CACNB4: variants seen among roughly 807,000 people sequenced by gnomAD.
CACNB4 encodes the protein voltage-dependent L-type calcium channel subunit beta-4.
CACNB4 carries 32 observed loss-of-function variants against 71.2 expected under a neutral mutation model. The observed-to-expected ratio is 0.45, with a 90% confidence interval of 0.34 to 0.60. The LOEUF (loss-of-function observed/expected upper bound fraction) is 0.60, where lower values mean the gene tolerates loss of function less well. CACNB4 is among the 20% of genes least tolerant of loss of function. The pLI, the probability that CACNB4 is intolerant of heterozygous loss-of-function variation, is 0.01. For missense variants in CACNB4, 464 were observed against 647.9 expected (o/e 0.72, Z 3.08); for synonymous variants, 231 against 236.9 (o/e 0.97, Z 0.23).
intron 12 of CACNB4, among the ~76,000 whole-genome samples, chr2:151,849,586 T>A (rs529472795): frequency 6.8e-4 from 104 of 152,268 alleles, no homozygotes; most frequent in African/African-American, 2.4e-3. Context: ...TTTGTGAGTA[T>A]TTTGATAAAC....
intron 10 of CACNB4, among the ~76,000 whole-genome samples, chr2:151,855,940 T>C (rs2099840182): frequency 6.6e-6 from 1 of 152,056 alleles, no homozygotes; most frequent in Admixed American, 6.6e-5. Context: ...CTAAGTCTAG[T>C]TAGATTTAAG....
intron 2 of CACNB4, among the ~76,000 whole-genome samples, chr2:152,041,066 C>T (rs1180561572): frequency 2.0e-5 from 3 of 152,244 alleles, no homozygotes; most frequent in African/African-American, 7.2e-5. Flanking sequence ...ACTCCCCACA[C>T]TCCATGGGAG....
chr2:152,069,283 A>G (rs1686528965), intron 2 of CACNB4, among the ~76,000 whole-genome samples: 1 of 152,170 alleles, frequency 6.6e-6, no homozygotes, highest in Non-Finnish European at 1.5e-5. Flanking sequence ...TCAATTCCCA[A>G]ATAAATACCT....
intron 12 of CACNB4, among the ~76,000 whole-genome samples, chr2:151,847,815 G>A (rs2099837990): frequency 6.6e-6 from 1 of 152,164 alleles, no homozygotes; most frequent in Non-Finnish European, 1.5e-5. Context: ...GAACCCAGAA[G>A]GCAGAGGCTG....
intron 2 of CACNB4, among the ~76,000 whole-genome samples, chr2:152,042,841 G>A (rs1684947195): frequency 6.6e-6 from 1 of 152,082 alleles, no homozygotes; most frequent in Non-Finnish European, 1.5e-5. Flanking sequence ...CAGGAGGTCG[G>A]CACAAGATAC....
At chr2:151,915,622 T>C (rs2099857279) in intron 2 of CACNB4, among the ~76,000 whole-genome samples, 1 of 151,976 alleles carries the variant, frequency 6.6e-6, no homozygotes, top group African/African-American at 2.4e-5. Flanking sequence ...GCGGGTGGAT[T>C]GCCTGAGGTC....
chr2:151,995,238 A>G (rs1483716129), intron 2 of CACNB4, among the ~76,000 whole-genome samples: 6 of 148,380 alleles, frequency 4.0e-5, no homozygotes, highest in African/African-American at 1.5e-4. Context: ...TTATATGACA[A>G]AAATAAAAAT....
At chr2:151,872,296 T>G in intron 6 of CACNB4, 121 bp downstream of exon 6, 1 of 645,782 alleles carries the variant, frequency 1.5e-6, no homozygotes, top group South Asian at 1.7e-5. Flanking sequence ...AAATATTAAT[T>G]AGAGAATCTT....
At chr2:152,076,107 AAGG>A (rs1000487847) in intron 2 of CACNB4, among the ~76,000 whole-genome samples, 7 of 151,346 alleles carry the variant, frequency 4.6e-5, no homozygotes, top group African/African-American at 1.7e-4. Context: ...AGGAGCTAAT[AAGG>A]AGGACATGTG....
chr2:152,001,526 TAAAAAAAAAAAAAA>T (rs70974816), intron 2 of CACNB4, among the ~76,000 whole-genome samples: 19 of 35,486 alleles, frequency 5.4e-4, no homozygotes, highest in Non-Finnish European at 7.0e-4. Context: ...CCATCTCTAC[TAAAAAAAAAAAAAA>T]AAAAAAAAAA....
chr2:152,076,895 TGAAAA>T (rs1687061114), intron 2 of CACNB4, among the ~76,000 whole-genome samples: 1 of 152,074 alleles, frequency 6.6e-6, no homozygotes, highest in Non-Finnish European at 1.5e-5. Context: ...AATGAGTAAG[TGAAAA>T]GAAAACTACA....
chr2:152,053,250 G>A lies in CACNB4; in HGVS notation c.147+45080C>T, dbSNP rs115990577. 7.7e-3 allele frequency among the ~76,000 whole-genome samples: 1,175 copies of A among 152,294 alleles called. 4 individuals carry two copies. The highest frequency in any genetic ancestry group is 0.012 in the Admixed American group (179 of 15,302). On this transcript the variant is annotated intron_variant, in intron 2 of 13. Transcript: ENST00000539935. ...ACCTCACCCTCAACCTCTGGGAAGG[G>A]AGCGGGAGCTGTAAGTTGAGTTGAT...
chr2:151,832,918 A>G lies in CACNB4; in HGVS notation c.*6201T>C, dbSNP rs1315960778. 2.0e-5 allele frequency: 3 copies of G among 152,202 alleles called. No homozygotes were observed. The highest frequency in any genetic ancestry group is 7.2e-5 in the African/African-American group (3 of 41,466). The allele number at this position is 152,202 out of a possible 1,614,324, so 9.4% of individuals were successfully genotyped here. ...TTCTTTGTTAATGTTTTTATTCACA[A>G]AAATAACACCACGTTTTTTTCTTTA... is the stretch of plus-strand genomic sequence containing the variant. On this transcript the variant is annotated 3_prime_UTR_variant, in exon 14 of 14. Coordinates refer to ENST00000539935, the MANE Select transcript of CACNB4 (RefSeq NM_000726.5).
chr2:152,067,609 C>T (rs896438109), intron 2 of CACNB4, among the ~76,000 whole-genome samples: 12 of 152,146 alleles, frequency 7.9e-5, no homozygotes, highest in Non-Finnish European at 1.6e-4. Flanking sequence ...TACCTGAATG[C>T]AAGCAATTAT....
At chr2:151,906,882 G>A (rs976068804) in intron 2 of CACNB4, among the ~76,000 whole-genome samples, 6 of 152,276 alleles carry the variant, frequency 3.9e-5, no homozygotes, top group Admixed American at 6.5e-5. Flanking sequence ...TCCTGAAGGC[G>A]GAGGCATGTC....
At position 152,099,035 on chromosome 2, in the gene CACNB4, G is replaced by C; in HGVS notation, c.-24C>G. 4.0e-6 allele frequency: 6 copies of C among 1,506,814 alleles called. No individual in the cohort carries two copies. The highest frequency in any genetic ancestry group is 5.3e-6 in the Non-Finnish European group (6 of 1,130,230). The allele number at this position is 1,506,814 out of a possible 1,614,324, so 93.3% of individuals were successfully genotyped here. Reference sequence around the variant, plus strand: ...ATCGTTCAGAGCCGCCGCATGGCCAGCCCGTGTGCGGTGGGCGGAGGGGGC... The same window carrying C: ...ATCGTTCAGAGCCGCCGCATGGCCACCCCGTGTGCGGTGGGCGGAGGGGGC... On this transcript the variant is annotated 5_prime_UTR_variant, in exon 1 of 14. Coordinates refer to ENST00000539935, the MANE Select transcript of CACNB4 (RefSeq NM_000726.5).
chr2:152,064,489 T>C (rs1159984505), intron 2 of CACNB4, among the ~76,000 whole-genome samples: 1 of 152,210 alleles, frequency 6.6e-6, no homozygotes, highest in Non-Finnish European at 1.5e-5. Flanking sequence ...CAAGCGATTC[T>C]CCTGCCTCAG....
At chr2:151,962,488 A>T (rs368569679) in intron 2 of CACNB4, among the ~76,000 whole-genome samples, 1 of 152,216 alleles carries the variant, frequency 6.6e-6, no homozygotes, top group African/African-American at 2.4e-5. Context: ...TTGCTACTGA[A>T]TCATGCAAAT....
chr2:151,913,697 C>T (rs915565254), intron 2 of CACNB4, among the ~76,000 whole-genome samples: 92 of 143,770 alleles, frequency 6.4e-4, no homozygotes, highest in African/African-American at 2.3e-3. Context: ...ACCCAGGAGG[C>T]GGAGCTTGCA....
Sources: gnomAD v4.1 joint callset for allele counts (sites outside exome capture counted in the v4.1 genomes callset) on GRCh38, gnomAD v4.1.1 for gene constraint, MANE v1.5 for transcripts, NCBI Gene and HGNC (gene_info 2026-07-23, HGNC 2026-07-21) for gene names.